YTHDF2: variants seen among roughly 807,000 people sequenced by gnomAD.
The protein encoded by YTHDF2 is YTH N6-methyladenosine RNA binding protein F2, also known as YTH domain-containing family protein 2.
In YTHDF2, 2 loss-of-function variants were observed where a neutral mutation model predicts 50.4. The observed-to-expected ratio is 0.04, with a 90% CI of 0.02 to 0.12. The LOEUF (loss-of-function observed/expected upper bound fraction) is 0.12. Among genes scored for constraint, YTHDF2 ranks in the 10% least tolerant of loss-of-function variants. The probability of loss-of-function intolerance (pLI) is 1.00; values close to 1 mark genes in which losing one functional copy is unlikely to be tolerated. For synonymous variants in YTHDF2, 217 were observed against 255.6 expected (o/e 0.85, Z 1.44); for missense variants, 483 against 722.6 (o/e 0.67, Z 3.80).
chr1:28,758,768 A>G (rs1367174901), intron 4 of YTHDF2, among the ~76,000 whole-genome samples: 1 of 152,188 alleles, frequency 6.6e-6, no homozygotes, highest in Non-Finnish European at 1.5e-5. Context: ...GGCTAATTCA[A>G]AGTTTTAGTT....
chr1:28,754,637 A>G (rs1422910496), intron 4 of YTHDF2, among the ~76,000 whole-genome samples: 4 of 152,012 alleles, frequency 2.6e-5, no homozygotes, highest in Non-Finnish European at 5.9e-5. Flanking sequence ...GCCTGGCAAC[A>G]TGGTGAAACC....
In YTHDF2 at chr1:28,768,995, A is replaced by G. The variant is rs1216947341; in HGVS notation, c.*43A>G. ...ACTGCAGCAACGGTTGCATCTGCATATCCTAAGAGGAAAAAATGACCTTCA... is the reference window on the plus strand; with the variant it reads ...ACTGCAGCAACGGTTGCATCTGCATGTCCTAAGAGGAAAAAATGACCTTCA... On this transcript the variant is annotated 3_prime_UTR_variant, in exon 5 of 5. Transcript: ENST00000373812. 3 of 1,512,756 alleles carry G rather than the reference A, an allele frequency of 2.0e-6. No homozygotes were observed. The highest frequency in any genetic ancestry group is 2.7e-6 in the Non-Finnish European group (3 of 1,124,420). 93.7% of individuals were successfully genotyped at this position (1,512,756 alleles called of 1,614,324 possible). A position where few individuals can be genotyped will look rare whatever the true frequency, so the allele number is the denominator to read the frequency against.
intron 4 of YTHDF2, among the ~76,000 whole-genome samples, chr1:28,749,589 TTTTTG>T (rs2087917906): frequency 6.6e-6 from 1 of 152,180 alleles, no homozygotes; most frequent in South Asian, 2.1e-4. Context: ...ATTGGTTTAA[TTTTTG>T]TCTTGTTTCT....
chr1:28,752,734 A>G (rs1364689826), intron 4 of YTHDF2, among the ~76,000 whole-genome samples: 1 of 151,986 alleles, frequency 6.6e-6, no homozygotes, highest in Non-Finnish European at 1.5e-5. Flanking sequence ...TAGCTCTTAA[A>G]CATTTTTTTT....
rs1255634041 is a variant in YTHDF2, at chr1:28,743,609, C to T, written c.1339C>T (p.Arg447Cys). Residue 447 changes from arginine to cysteine, a missense_variant, in exon 4 of 5, where the codon CGT (arginine) becomes TGT (cysteine). Physicochemically the swap from Arg to Cys is radical, Grantham distance 180 (BLOSUM62 -3). Coordinates refer to ENST00000373812, the MANE Select transcript of YTHDF2 (RefSeq NM_016258.3). This position sits in a 1 kb window ranked among gnomAD's most constrained non-coding sequence, Gnocchi z 6.9. ...HGNKRLDAAY[R>C]SMNGKGPVYL... ...TAACAAGAGACTGGATGCTGCTTATCGTTCCATGAACGGGAAAGGCCCCGT... is the reference window on the plus strand; with the variant it reads ...TAACAAGAGACTGGATGCTGCTTATTGTTCCATGAACGGGAAAGGCCCCGT... 3.1e-6 allele frequency: 5 copies of T among 1,614,118 alleles called. No individual in the cohort carries two copies. Among genetic ancestry groups the T allele is most frequent in the East Asian group, 2.2e-5 (1 of 44,882 alleles).
chr1:28,766,039 T>C (rs920656615), intron 4 of YTHDF2, among the ~76,000 whole-genome samples: 1 of 152,256 alleles, frequency 6.6e-6, no homozygotes, highest in African/African-American at 2.4e-5. Context: ...AGCAATTTTT[T>C]TGTGGTCCAA....
At chr1:28,752,258 T>C (rs2087967176) in intron 4 of YTHDF2, among the ~76,000 whole-genome samples, 1 of 152,048 alleles carries the variant, frequency 6.6e-6, no homozygotes, top group Non-Finnish European at 1.5e-5. Flanking sequence ...TGTTGCACAC[T>C]GATAACACAT....
chr1:28,753,658 G>A (rs2087991602), intron 4 of YTHDF2, among the ~76,000 whole-genome samples: 1 of 151,686 alleles, frequency 6.6e-6, no homozygotes, highest in African/African-American at 2.4e-5. Context: ...TGATAACGCT[G>A]GAGAGATTGG....
At chr1:28,744,391 G>A (rs529090658) in intron 4 of YTHDF2, among the ~76,000 whole-genome samples, 1 of 152,306 alleles carries the variant, frequency 6.6e-6, no homozygotes, top group African/African-American at 2.4e-5. Flanking sequence ...ACTTGGCCTA[G>A]CTGGGGTTTT....
chr1:28,737,285 C>A, intron 1 of YTHDF2, 138 bp downstream of exon 1: 1 of 1,100,646 alleles, frequency 9.1e-7, no homozygotes, highest in Non-Finnish European at 1.2e-6. Flanking sequence ...GCCTCTCAGG[C>A]CGGCCGCGCC....
At chr1:28,758,350 A>G (rs2088065035) in intron 4 of YTHDF2, among the ~76,000 whole-genome samples, 1 of 152,182 alleles carries the variant, frequency 6.6e-6, no homozygotes, top group Non-Finnish European at 1.5e-5. Flanking sequence ...TGGGCAACAG[A>G]GTGAGACCCT....
chr1:28,754,843 C>T (rs1366519085), intron 4 of YTHDF2, among the ~76,000 whole-genome samples: 1 of 151,088 alleles, frequency 6.6e-6, no homozygotes, highest in East Asian at 1.9e-4. Flanking sequence ...GTGGTGTGTG[C>T]CTATAGTCCT....
intron 4 of YTHDF2, among the ~76,000 whole-genome samples, chr1:28,747,382 C>T (rs559366178): frequency 1.3e-5 from 2 of 151,688 alleles, no homozygotes; most frequent in East Asian, 3.9e-4. Flanking sequence ...CCAGCCTGGT[C>T]AACATGGTGA....
intron 3 of YTHDF2, among the ~76,000 whole-genome samples, chr1:28,741,123 G>C (rs755695037): frequency 5.9e-5 from 9 of 152,034 alleles, no homozygotes; most frequent in Non-Finnish European, 1.2e-4. Context: ...TTAGCCTCCT[G>C]AGTAGCTGGG....
At chr1:28,752,292 T>TG (rs1281949531) in intron 4 of YTHDF2, among the ~76,000 whole-genome samples, 3 of 95,086 alleles carry the variant, frequency 3.2e-5, no homozygotes, top group Non-Finnish European at 6.4e-5. Context: ...TCAGCTGTGG[T>TG]GTTTTTGTTG....
intron 2 of YTHDF2, 116 bp downstream of exon 2, chr1:28,737,798 G>T: frequency 8.1e-7 from 1 of 1,238,250 alleles, no homozygotes; most frequent in South Asian, 1.3e-5. Context: ...TAGTTCGCAG[G>T]TGCCGCACAC....
intron 3 of YTHDF2, 69 bp downstream of exon 3, chr1:28,738,407 A>G (rs2087727869): frequency 7.0e-6 from 9 of 1,286,236 alleles, no homozygotes; most frequent in Non-Finnish European, 4.4e-6. Flanking sequence ...TTCTACCAAT[A>G]AATCCCATTT....
In YTHDF2 at chr1:28,742,478, T is replaced by C. The variant is rs2087791738; in HGVS notation, c.208T>C (p.Leu70=). 1.2e-6 allele frequency: 2 copies of C among 1,613,340 alleles called. No homozygotes were observed. The highest frequency in any genetic ancestry group is 2.2e-5 in the South Asian group (2 of 90,986). ...YSPSIGFSYS[L]GEAAWSTGGD... The stretch of plus-strand genomic sequence containing the variant: ...TCCCTCCATTGGCTTCTCCTATTCT[T>C]TGGGTGAAGCTGCTTGGTCTACGGG... Residue 70 remains leucine (L), a synonymous_variant, in exon 4 of 5, where the codon TTG becomes CTG. Coordinates refer to ENST00000373812, the MANE Select transcript of YTHDF2 (RefSeq NM_016258.3).
At chr1:28,751,212 T>G (rs976233816) in intron 4 of YTHDF2, among the ~76,000 whole-genome samples, 2 of 151,726 alleles carry the variant, frequency 1.3e-5, no homozygotes, top group African/African-American at 2.4e-5. Context: ...GAGCAGAGAT[T>G]TTACCACTGC....
Sources: allele counts gnomAD v4.1 joint callset (sites outside exome capture counted in the v4.1 genomes callset), GRCh38; gene constraint gnomAD v4.1.1; non-coding constraint Gnocchi (gnomAD v3.1); transcripts MANE v1.5; gene names NCBI Gene and HGNC (gene_info 2026-07-23, HGNC 2026-07-21).